ADGRL3: variants seen among roughly 807,000 people sequenced by gnomAD.
The protein encoded by ADGRL3 is adhesion G protein-coupled receptor L3.
A neutral mutation model predicts 153.5 loss-of-function variants in ADGRL3; 62 were observed. That is an observed-to-expected ratio of 0.40 (90% CI 0.33 to 0.50). ADGRL3 has a LOEUF of 0.50. ADGRL3 is among the 20% of genes least tolerant of loss of function. The pLI, the probability that ADGRL3 is intolerant of heterozygous loss-of-function variation, is 0.47. For missense variants in ADGRL3, 1,641 were observed against 1,859.4 expected, an observed-to-expected ratio of 0.88 and a Z score of 2.16; for synonymous variants, 710 against 672.5, an observed-to-expected ratio of 1.06 and a Z score of -0.86.
chr4:61,731,171 T>C (rs932100721), intron 7 of ADGRL3, among the ~76,000 whole-genome samples: 1 of 152,002 alleles, frequency 6.6e-6, no homozygotes, highest in Admixed American at 6.6e-5. Context: ...GGATTGTATA[T>C]TGATGATGGC....
chr4:61,966,143 A>G (rs1023802139), intron 17 of ADGRL3, among the ~76,000 whole-genome samples: 2 of 152,232 alleles, frequency 1.3e-5, no homozygotes, highest in African/African-American at 4.8e-5. Flanking sequence ...AAAATGAAAT[A>G]AAAATGACAT....
chr4:61,382,884 C>A (rs1244107003), intron 1 of ADGRL3, among the ~76,000 whole-genome samples: 4 of 151,626 alleles, frequency 2.6e-5, no homozygotes, highest in Non-Finnish European at 4.4e-5. Flanking sequence ...CTGTAGCTAC[C>A]AAATCCATCA....
In ADGRL3 at chr4:61,391,008, G is replaced by T. The variant is rs543798685; in HGVS notation, c.-174+7819G>T. On this transcript the variant is annotated intron_variant, in intron 2 of 26. Coordinates refer to ENST00000683033, the MANE Select transcript of ADGRL3 (RefSeq NM_001387552.1). ...TTAAATTGCTGATTAATATTTTATT[G>T]TATAGATGTATCTCAGTTCATTTAT... is the stretch of plus-strand genomic sequence containing the variant. 2.0e-5 allele frequency among the ~76,000 whole-genome samples: 3 copies of T among 152,206 alleles called. No individual in the cohort carries two copies. In the South Asian group the frequency reaches 6.2e-4, roughly 32 times the overall value.
chr4:62,001,013 G>A (rs1036137563), intron 21 of ADGRL3, among the ~76,000 whole-genome samples: 1 of 151,934 alleles, frequency 6.6e-6, no homozygotes, highest in Non-Finnish European at 1.5e-5. Flanking sequence ...CGAACTCCTG[G>A]CCTCAAGCTA....
At position 62,071,136 on chromosome 4, in the gene ADGRL3, C is replaced by G; in HGVS notation, c.*228C>G. ...GTACCCCATCCTTTCTTGTCCTTTC[C>G]CCTTCAGATGGAGACTTCATTATGT... On this transcript the variant is annotated 3_prime_UTR_variant, in exon 27 of 27. Coordinates refer to ENST00000683033, the MANE Select transcript of ADGRL3 (RefSeq NM_001387552.1). The G allele has an allele frequency of 2.3e-6, 1 of 442,838 alleles. No individual in the cohort carries two copies. Among genetic ancestry groups the G allele is most frequent in the Non-Finnish European group, 4.0e-6 (1 of 250,064 alleles). The allele number at this position is 442,838 out of a possible 1,614,324, so 27.4% of individuals were successfully genotyped here.
intron 1 of ADGRL3, among the ~76,000 whole-genome samples, chr4:61,311,705 C>T (rs1426257584): frequency 6.6e-6 from 1 of 152,090 alleles, no homozygotes; most frequent in Non-Finnish European, 1.5e-5. Context: ...TGTAAAAGCA[C>T]AGTAATCAAG....
intron 1 of ADGRL3, among the ~76,000 whole-genome samples, chr4:61,237,317 T>C (rs1217815755): frequency 6.6e-6 from 1 of 152,190 alleles, no homozygotes; most frequent in African/African-American, 2.4e-5. Context: ...TGACAATTTT[T>C]AGTGTTTTGG....
intron 5 of ADGRL3, among the ~76,000 whole-genome samples, chr4:61,636,050 C>T (rs1040652053): frequency 5.9e-5 from 9 of 152,082 alleles, no homozygotes; most frequent in African/African-American, 1.4e-4. Flanking sequence ...AGGACTTCAA[C>T]ATATGAATTT....
chr4:61,357,246 T>G (rs542351928), intron 1 of ADGRL3, among the ~76,000 whole-genome samples: 1 of 152,222 alleles, frequency 6.6e-6, no homozygotes, highest in South Asian at 2.1e-4. Context: ...TTGATTCACA[T>G]ATGATGTTAA....
chr4:61,814,133 A>C lies in ADGRL3; in HGVS notation c.1480+244A>C, dbSNP rs7674506. Among the ~76,000 whole-genome samples, 928 of 152,232 alleles carry C rather than the reference A, an allele frequency of 6.1e-3. 13 individuals are homozygous for C. Among genetic ancestry groups the C allele is most frequent in the African/African-American group, 0.021 (889 of 41,546 alleles). Reference sequence around the variant, plus strand: ...ATAAATCAGTATTTATAGTGATTCAACTAGTGGAGGACTAGTTGAATACCA... The same window carrying C: ...ATAAATCAGTATTTATAGTGATTCACCTAGTGGAGGACTAGTTGAATACCA... On this transcript the variant is annotated intron_variant, in intron 9 of 26. Transcript: ENST00000683033.
intron 15 of ADGRL3, among the ~76,000 whole-genome samples, chr4:61,939,129 G>A (rs927908779): frequency 2.6e-5 from 4 of 152,104 alleles, no homozygotes; most frequent in African/African-American, 9.7e-5. Context: ...AAAAAATAAG[G>A]TGGAAAGACT....
intron 1 of ADGRL3, among the ~76,000 whole-genome samples, chr4:61,204,752 T>A (rs1382780329): frequency 6.6e-6 from 1 of 152,198 alleles, no homozygotes; most frequent in Non-Finnish European, 1.5e-5. Flanking sequence ...TTAATTTTTT[T>A]TTTTAGATAG....
intron 8 of ADGRL3, among the ~76,000 whole-genome samples, chr4:61,777,210 G>A (rs2097162170): frequency 1.3e-5 from 2 of 152,034 alleles, no homozygotes; most frequent in Non-Finnish European, 2.9e-5. Context: ...GCGGGCACCT[G>A]TAGAACCAGC....
intron 17 of ADGRL3, among the ~76,000 whole-genome samples, chr4:61,965,760 A>T (rs962002915): frequency 6.6e-6 from 1 of 151,218 alleles, no homozygotes; most frequent in Non-Finnish European, 1.5e-5. Flanking sequence ...CACAAAAAGA[A>T]AAAAAAAAGC....
At chr4:61,739,212 T>G (rs1259637372) in intron 8 of ADGRL3, among the ~76,000 whole-genome samples, 1 of 152,146 alleles carries the variant, frequency 6.6e-6, no homozygotes, top group African/African-American at 2.4e-5. Context: ...CATCTCTAAT[T>G]TTTTATAAAA....
chr4:61,764,952 G>A (rs1447201650), intron 8 of ADGRL3, among the ~76,000 whole-genome samples: 2 of 151,810 alleles, frequency 1.3e-5, no homozygotes, highest in African/African-American at 2.4e-5. Flanking sequence ...GCCTGGATAC[G>A]GTTTTGGATG....
intron 8 of ADGRL3, among the ~76,000 whole-genome samples, chr4:61,808,158 A>G (rs1419655367): frequency 6.6e-6 from 1 of 152,058 alleles, no homozygotes; most frequent in Non-Finnish European, 1.5e-5. Flanking sequence ...TCTCTCCTCT[A>G]TCAAGGTACA....
At chr4:61,554,478 G>A (rs1035207877) in intron 4 of ADGRL3, among the ~76,000 whole-genome samples, 7 of 152,194 alleles carry the variant, frequency 4.6e-5, no homozygotes, top group African/African-American at 1.7e-4. Flanking sequence ...TTATAGGTGT[G>A]AGCCACTGCG....
intron 11 of ADGRL3, among the ~76,000 whole-genome samples, chr4:61,899,508 GA>G (rs1361448339): frequency 6.6e-6 from 1 of 151,028 alleles, no homozygotes; most frequent in Non-Finnish European, 1.5e-5. Flanking sequence ...AAACACAGGT[GA>G]AAAAAAACCA....
Sources: allele counts gnomAD v4.1 joint callset (sites outside exome capture counted in the v4.1 genomes callset), GRCh38; gene constraint gnomAD v4.1.1; transcripts MANE v1.5; gene names NCBI Gene and HGNC (gene_info 2026-07-23, HGNC 2026-07-21).